Variants in EGLN1 observed in about 807,000 individuals in gnomAD.
EGLN1 encodes the protein egl-9 family hypoxia inducible factor 1.
Under a neutral mutation model 38.3 loss-of-function variants are expected in EGLN1, and 17 were observed. The observed-to-expected ratio is 0.44, with a 90% CI of 0.30 to 0.67. The LOEUF (loss-of-function observed/expected upper bound fraction) is 0.67, where lower values mean the gene tolerates loss of function less well. Among genes scored for constraint, EGLN1 ranks in the 30% least tolerant of loss-of-function variants. EGLN1 has a pLI of 0.08. For missense variants in EGLN1, 477 were observed against 603.3 expected (o/e 0.79, Z 2.19); for synonymous variants, 283 against 257.5 (o/e 1.10, Z -0.95).
chr1:231,370,180 C>G (rs980334588), intron 3 of EGLN1, among the ~76,000 whole-genome samples: 7 of 152,080 alleles, frequency 4.6e-5, no homozygotes, highest in African/African-American at 1.7e-4. Context: ...TGTCCCTCAC[C>G]ACCTTTTAAA....
In EGLN1 at chr1:231,377,060, G is replaced by C. The variant is rs185955230; in HGVS notation, c.892-2961C>G. Among the ~76,000 whole-genome samples the C allele has an allele frequency of 4.4e-3, 664 of 152,292 alleles. 6 individuals are homozygous for C. The highest frequency in any genetic ancestry group is 5.8e-3 in the Non-Finnish European group (397 of 68,028). ...AGAGAATGTATCTGACTAATGTTTT[G>C]AGAATATCAGTTTCAAGTCTGTATG... On this transcript the variant is annotated intron_variant, in intron 1 of 4. Transcript: ENST00000366641.
intron 1 of EGLN1, among the ~76,000 whole-genome samples, chr1:231,396,282 T>G (rs1688529028): frequency 6.7e-6 from 1 of 148,378 alleles, no homozygotes; most frequent in African/African-American, 2.5e-5. Context: ...GATTGGGGAG[T>G]CTCGCTCTGT....
intron 1 of EGLN1, among the ~76,000 whole-genome samples, chr1:231,391,468 CT>C (rs1558387459): frequency 2.6e-5 from 4 of 151,364 alleles, no homozygotes; most frequent in Non-Finnish European, 4.4e-5. Flanking sequence ...TCCTGCACTG[CT>C]TCCTTTATGA....
chr1:231,383,193 A>T (rs1688116783), intron 1 of EGLN1, among the ~76,000 whole-genome samples: 1 of 152,058 alleles, frequency 6.6e-6, no homozygotes, highest in Non-Finnish European at 1.5e-5. Flanking sequence ...TGTGTGGCAG[A>T]ACTCAGTGTG....
At chr1:231,389,695 T>A (rs1270099100) in intron 1 of EGLN1, among the ~76,000 whole-genome samples, 1 of 152,092 alleles carries the variant, frequency 6.6e-6, no homozygotes, top group Non-Finnish European at 1.5e-5. Context: ...ACGCCTGTAA[T>A]CCCAGCACTT....
intron 1 of EGLN1, among the ~76,000 whole-genome samples, chr1:231,392,807 C>T (rs534365652): frequency 1.3e-5 from 2 of 152,202 alleles, no homozygotes; most frequent in Non-Finnish European, 2.9e-5. Flanking sequence ...GATTTTTCAT[C>T]CCTGTCCACG....
Position 231,421,562 on chromosome 1 carries a change from C to A in EGLN1, c.327G>T (p.Lys109Asn). ...CCGGGGGCTTGGCCTTTACTTTTCC[C>A]TTGGCCGCGTCCCCGGAGGCGTTGT... ...RRDNASGDAA[K>N]GKVKAKPPAD... The change falls in exon 1 of 5, where the codon AAG (lysine) becomes AAT (asparagine). Residue 109 changes from lysine to asparagine, a missense_variant. Physicochemically the swap from Lys to Asn is moderately conservative, Grantham distance 94 (BLOSUM62 0). Around this residue, in one of 4 missense-constraint regions of EGLN1, gnomAD observed 298 missense variants for 288.9 expected, o/e 1.03. Coordinates refer to ENST00000366641, the MANE Select transcript of EGLN1 (RefSeq NM_022051.3). The surrounding 1 kb of genome is among the most constrained non-coding windows in gnomAD (Gnocchi z 5.5). The A allele has an allele frequency of 7.6e-7, 1 of 1,309,850 alleles. No homozygotes were observed. The highest frequency in any genetic ancestry group is 2.5e-5 in the South Asian group (1 of 40,440). 81.1% of individuals were successfully genotyped at this position (1,309,850 alleles called of 1,614,324 possible).
At chr1:231,380,315 CAAAAA>C (rs35280417) in intron 1 of EGLN1, among the ~76,000 whole-genome samples, 3 of 101,842 alleles carry the variant, frequency 2.9e-5, no homozygotes, top group East Asian at 2.9e-4. Flanking sequence ...GACTCCGTCT[CAAAAA>C]AAAAAAAAAA....
At chr1:231,395,369 A>T (rs952963010) in intron 1 of EGLN1, among the ~76,000 whole-genome samples, 11 of 152,212 alleles carry the variant, frequency 7.2e-5, no homozygotes, top group African/African-American at 2.4e-4. Flanking sequence ...ACCTCGGCCA[A>T]AAGAAGTATC....
chr1:231,411,082 A>G (rs1688930336), intron 1 of EGLN1, among the ~76,000 whole-genome samples: 1 of 152,102 alleles, frequency 6.6e-6, no homozygotes. Flanking sequence ...ATTCAGAGAG[A>G]TGGTTAATAT....
chr1:231,415,995 T>C (rs986527881), intron 1 of EGLN1, among the ~76,000 whole-genome samples: 2 of 152,018 alleles, frequency 1.3e-5, no homozygotes, highest in African/African-American at 4.8e-5. Context: ...CTAAAAGGCA[T>C]GCAACACTAC....
intron 1 of EGLN1, among the ~76,000 whole-genome samples, chr1:231,418,919 AAC>A (rs1656449830): frequency 6.6e-6 from 1 of 152,100 alleles, no homozygotes; most frequent in South Asian, 2.1e-4. Flanking sequence ...TATGATGCCT[AAC>A]ACACTGTGGT....
At chr1:231,394,622 C>G (rs1476835326) in intron 1 of EGLN1, among the ~76,000 whole-genome samples, 1 of 151,604 alleles carries the variant, frequency 6.6e-6, no homozygotes, top group Non-Finnish European at 1.5e-5. Context: ...ATTTCCTGAC[C>G]TCATAATCCA....
chr1:231,368,942 T>C lies in EGLN1; in HGVS notation c.1149-1306A>G, dbSNP rs568183298. Among the ~76,000 whole-genome samples, 6 of 152,242 alleles carry C rather than the reference T, an allele frequency of 3.9e-5. No individual in the cohort carries two copies. In the East Asian group the frequency reaches 7.7e-4, roughly 20 times the overall value. On this transcript the variant is annotated intron_variant, in intron 3 of 4. Transcript: ENST00000366641. The stretch of plus-strand genomic sequence containing the variant: ...TTCTACTTTTGGGTGGCCTTGGAAA[T>C]AGGAAAGGGCTCAGATACATAATTT...
intron 1 of EGLN1, among the ~76,000 whole-genome samples, chr1:231,381,255 C>T (rs1688072181): frequency 6.6e-6 from 1 of 152,070 alleles, no homozygotes; most frequent in Non-Finnish European, 1.5e-5. Context: ...TGTCATATGA[C>T]ACAACAACAA....
chr1:231,410,681 T>C (rs2102936099), intron 1 of EGLN1, among the ~76,000 whole-genome samples: 1 of 151,930 alleles, frequency 6.6e-6, no homozygotes, highest in East Asian at 1.9e-4. Flanking sequence ...GAAAGTGAAC[T>C]GAACTTTAGG....
At chr1:231,419,687 A>G (rs954807302) in intron 1 of EGLN1, among the ~76,000 whole-genome samples, 2 of 152,196 alleles carry the variant, frequency 1.3e-5, no homozygotes, top group African/African-American at 4.8e-5. Context: ...TTAAGACTAC[A>G]AGAAATTAAG....
rs372252179 is a variant in EGLN1, at chr1:231,420,947, G to A, written c.891+51C>T. 4.8e-5 allele frequency: 77 copies of A among 1,613,632 alleles called. No individual in the cohort carries two copies. The African/African-American group carries it at 8.4e-4, about 18-fold the overall frequency. On this transcript the variant is annotated intron_variant, in intron 1 of 4. Coordinates refer to ENST00000366641, the MANE Select transcript of EGLN1 (RefSeq NM_022051.3). ...TAGGCAGTTTCAGTCGCAGGCAGGG[G>A]CTGCCCGCCGAGAAGGGCCTGTCCA...
Position 231,419,822 on chromosome 1 carries a change from G to A in EGLN1, c.891+1176C>T, listed in dbSNP as rs182428931. On this transcript the variant is annotated intron_variant, in intron 1 of 4. Coordinates refer to ENST00000366641, the MANE Select transcript of EGLN1 (RefSeq NM_022051.3). ...CTATGTTCAGTCTTTCGGGCAGCCT[G>A]AGAATCACATGTAATGACTGTCAAA... 2.2e-3 allele frequency among the ~76,000 whole-genome samples: 338 copies of A among 152,288 alleles called. 5 individuals carry two copies. The highest frequency in any genetic ancestry group is 8.0e-3 in the African/African-American group (332 of 41,544).
Sources: gnomAD v4.1 joint callset for allele counts (sites outside exome capture counted in the v4.1 genomes callset) on GRCh38, gnomAD v4.1.1 for gene constraint, gnomAD v4.1.1 regional missense constraint, Gnocchi (gnomAD v3.1) non-coding constraint, MANE v1.5 for transcripts, NCBI Gene and HGNC (gene_info 2026-07-23, HGNC 2026-07-21) for gene names.